Variants in RARB observed in about 807,000 individuals in gnomAD.
RARB encodes retinoic acid receptor beta, also known as HBV-activated protein.
RARB carries 17 observed loss-of-function variants against 51.9 expected under a neutral mutation model. The ratio of observed to expected loss-of-function variants is 0.33; its 90% CI spans 0.22 to 0.49. RARB has a LOEUF of 0.49. Among genes scored for constraint, RARB ranks in the 20% least tolerant of loss-of-function variants. The probability of loss-of-function intolerance (pLI) is 0.99; values close to 1 mark genes in which losing one functional copy is unlikely to be tolerated. For missense variants in RARB, 369 were observed against 550.8 expected (o/e 0.67, Z 3.30); for synonymous variants, 215 against 195.4 (o/e 1.10, Z -0.84).
intron 3 of RARB, among the ~76,000 whole-genome samples, chr3:25,070,652 G>T (rs1228283105): frequency 1.3e-5 from 2 of 152,186 alleles, no homozygotes; most frequent in Non-Finnish European, 2.9e-5. Context: ...AGGAATATTT[G>T]CCAGACACAA....
intron 5 of RARB, among the ~76,000 whole-genome samples, chr3:25,416,792 T>G (rs1277605499): frequency 6.6e-6 from 1 of 152,174 alleles, no homozygotes; most frequent in Non-Finnish European, 1.5e-5. Context: ...CTCAGTTCTT[T>G]CAGAGGGGCA....
chr3:24,867,671 G>A (rs1377729957), intron 2 of RARB, among the ~76,000 whole-genome samples: 2 of 152,122 alleles, frequency 1.3e-5, no homozygotes, highest in Non-Finnish European at 2.9e-5. Context: ...AGTGGGGAGT[G>A]TGCTCAGTGT....
chr3:25,197,713 C>T (rs1202788940), intron 5 of RARB, among the ~76,000 whole-genome samples: 1 of 151,290 alleles, frequency 6.6e-6, no homozygotes, highest in Non-Finnish European at 1.5e-5. Context: ...AAATAAAATA[C>T]CTAGGAGTAA....
At chr3:24,921,006 A>G (rs1695205358) in intron 2 of RARB, among the ~76,000 whole-genome samples, 1 of 152,130 alleles carries the variant, frequency 6.6e-6, no homozygotes, top group Non-Finnish European at 1.5e-5. Flanking sequence ...TCATGTCTTT[A>G]GGTCAAGGCT....
At chr3:24,866,408 C>T (rs1237273676) in intron 2 of RARB, among the ~76,000 whole-genome samples, 1 of 152,114 alleles carries the variant, frequency 6.6e-6, no homozygotes, top group Non-Finnish European at 1.5e-5. Context: ...GACATGTATA[C>T]AGGGAAAGAA....
At chr3:25,205,254 G>C (rs1033253913) in intron 5 of RARB, among the ~76,000 whole-genome samples, 2 of 152,194 alleles carry the variant, frequency 1.3e-5, no homozygotes, top group Non-Finnish European at 2.9e-5. Flanking sequence ...CTGCTGTGCA[G>C]TTTGCTAAGA....
Position 25,412,656 on chromosome 3 carries a change from C to G in RARB, c.179-48537C>G, listed in dbSNP as rs967651491. Among the ~76,000 whole-genome samples, 5 of 152,196 alleles carry G rather than the reference C, an allele frequency of 3.3e-5. No homozygotes were observed. In the South Asian group the frequency reaches 1.0e-3, roughly 32 times the overall value. ...CATTTATAGAAAGGAATACATAAAT[C>G]ATAAATGTATACAGCTTAGTTTTTA... On this transcript the variant is annotated intron_variant, in intron 5 of 11. Coordinates refer to the RARB transcript ENST00000383772.
At chr3:25,477,541 T>C (rs67634405) in intron 2 of RARB, among the ~76,000 whole-genome samples, 21,692 of 152,202 alleles carry the variant, frequency 0.14, 1,677 homozygotes, top group Middle Eastern at 0.3. Context: ...AAGTGATAAA[T>C]CCTATAATTA....
At chr3:24,882,224 G>A (rs976304645) in intron 2 of RARB, among the ~76,000 whole-genome samples, 1 of 152,118 alleles carries the variant, frequency 6.6e-6, no homozygotes, top group Non-Finnish European at 1.5e-5. Context: ...AGAGAGTTGA[G>A]TTACATTAAA....
At chr3:25,310,175 C>T (rs1704255253) in intron 5 of RARB, among the ~76,000 whole-genome samples, 1 of 152,170 alleles carries the variant, frequency 6.6e-6, no homozygotes, top group Admixed American at 6.5e-5. Flanking sequence ...CGGTGACGAG[C>T]AGCACTCATG....
chr3:25,062,893 C>T (rs1250249000), intron 3 of RARB, among the ~76,000 whole-genome samples: 1 of 151,890 alleles, frequency 6.6e-6, no homozygotes, highest in Non-Finnish European at 1.5e-5. Flanking sequence ...TTCAATTGTA[C>T]ATTTTAAATA....
chr3:25,476,541 C>T (rs986803313), intron 2 of RARB, among the ~76,000 whole-genome samples: 13 of 152,170 alleles, frequency 8.5e-5, no homozygotes, highest in Admixed American at 8.5e-4. Context: ...TTGTGTGGCA[C>T]CCCAAATTGC....
chr3:25,152,155 A>G (rs1575184070), intron 4 of RARB, among the ~76,000 whole-genome samples: 2 of 152,348 alleles, frequency 1.3e-5, no homozygotes, highest in African/African-American at 4.8e-5. Flanking sequence ...ACCAGAAATC[A>G]TATCTCCCGT....
At chr3:25,406,956 C>T (rs745881340) in intron 5 of RARB, among the ~76,000 whole-genome samples, 2 of 152,194 alleles carry the variant, frequency 1.3e-5, no homozygotes, top group Non-Finnish European at 2.9e-5. Context: ...ATCTTTGCTT[C>T]CTTCTCTCTG....
intron 2 of RARB, among the ~76,000 whole-genome samples, chr3:24,963,614 A>T (rs1696190816): frequency 6.6e-6 from 1 of 151,958 alleles, no homozygotes; most frequent in Admixed American, 6.6e-5. Flanking sequence ...GCCTTGGAGA[A>T]TTCAAGAAAC....
intron 5 of RARB, among the ~76,000 whole-genome samples, chr3:25,211,696 T>TGA (rs1197784252): frequency 4.6e-5 from 7 of 152,206 alleles, no homozygotes; most frequent in African/African-American, 1.7e-4. Context: ...TTTTTGGCTT[T>TGA]GAGGGAGTCA....
chr3:24,900,300 G>A (rs1394234313), intron 2 of RARB, among the ~76,000 whole-genome samples: 2 of 152,138 alleles, frequency 1.3e-5, no homozygotes, highest in African/African-American at 2.4e-5. Flanking sequence ...AAAAAATTAG[G>A]ATAAACTATT....
chr3:25,371,342 A>G (rs1028888167), intron 5 of RARB, among the ~76,000 whole-genome samples: 1 of 152,204 alleles, frequency 6.6e-6, no homozygotes, highest in Non-Finnish European at 1.5e-5. Flanking sequence ...GGGTAGCACC[A>G]TTCAACCTAC....
At chr3:25,565,338 A>C (rs186271920) in intron 3 of RARB, among the ~76,000 whole-genome samples, 3 of 152,330 alleles carry the variant, frequency 2.0e-5, no homozygotes, top group African/African-American at 7.2e-5. Context: ...CCTACCATGA[A>C]TAGAAGGCTT....
Sources: gnomAD v4.1 joint callset for allele counts (sites outside exome capture counted in the v4.1 genomes callset) on GRCh38, gnomAD v4.1.1 for gene constraint, MANE v1.5 for transcripts, NCBI Gene and HGNC (gene_info 2026-07-23, HGNC 2026-07-21) for gene names.